NAA35: variants seen among roughly 807,000 people sequenced by gnomAD.
NAA35 encodes MAK10 homolog, amino-acid N-acetyltransferase subunit.
Under a neutral mutation model 101.7 loss-of-function variants are expected in NAA35, and 18 were observed. The ratio of observed to expected loss-of-function variants is 0.18; its 90% CI spans 0.12 to 0.26. The LOEUF is 0.26. Among genes scored for constraint, NAA35 ranks in the 10% least tolerant of loss-of-function variants. The pLI, the probability that NAA35 is intolerant of heterozygous loss-of-function variation, is 1.00. For missense variants in NAA35, 601 were observed against 886.8 expected (o/e 0.68, Z 4.09); for synonymous variants, 267 against 273.1 (o/e 0.98, Z 0.22).
intron 11 of NAA35, among the ~76,000 whole-genome samples, chr9:85,989,637 G>T (rs1487570095): frequency 6.6e-6 from 1 of 152,180 alleles, no homozygotes. Flanking sequence ...GGAGGAGAAA[G>T]ACTGAAATCA....
At chr9:86,003,709 G>A (rs1831512669) in intron 13 of NAA35, 65 bp downstream of exon 13, 1 of 957,024 alleles carries the variant, frequency 1.0e-6, no homozygotes, top group African/African-American at 1.7e-5. Context: ...TTGTTTTATT[G>A]ATTGATTGAA....
chr9:86,016,327 AATT>A (rs1211361820), intron 17 of NAA35, among the ~76,000 whole-genome samples: 2 of 152,324 alleles, frequency 1.3e-5, no homozygotes, highest in East Asian at 3.9e-4. Context: ...GTACATGTAT[AATT>A]ATCAAGAAAT....
At chr9:85,953,064 T>A (rs1829086911) in intron 2 of NAA35, among the ~76,000 whole-genome samples, 1 of 151,920 alleles carries the variant, frequency 6.6e-6, no homozygotes, top group African/African-American at 2.4e-5. Context: ...TACAAAAAAA[T>A]TAGCCGGGCA....
Position 85,996,510 on chromosome 9 carries a change from C to G in NAA35, c.989C>G (p.Ala330Gly). The part of the protein sequence containing the change: ...IKREEMVNYF[A>G]RLIDRIKTVC... The stretch of plus-strand genomic sequence containing the variant: ...AGGGAAGAAATGGTGAACTATTTTG[C>G]AAGATTAATAGATAGAATAAAAACT... The change falls in exon 12 of 23, where the codon GCA becomes GGA. Residue 330 changes from alanine to glycine, a missense_variant. Physicochemically the swap from Ala to Gly is moderately conservative, Grantham distance 60 (BLOSUM62 0). Transcript: ENST00000361671. 1.2e-6 allele frequency: 2 copies of G among 1,605,306 alleles called. No homozygotes were observed. Among genetic ancestry groups the G allele is most frequent in the South Asian group, 1.1e-5 (1 of 88,938 alleles).
intron 11 of NAA35, 54 bp from the exon 12 acceptor site, chr9:85,996,345 G>A (rs1021666073): frequency 2.5e-5 from 31 of 1,257,976 alleles, no homozygotes; most frequent in Admixed American, 2.4e-4. Context: ...AACATTTGCA[G>A]TTTAAAATTC....
chr9:85,992,781 T>G (rs1313728352), intron 11 of NAA35, among the ~76,000 whole-genome samples: 1 of 152,178 alleles, frequency 6.6e-6, no homozygotes, highest in African/African-American at 2.4e-5. Flanking sequence ...TTGTGAAACT[T>G]GAATGAAGTG....
chr9:86,004,878 T>C (rs995309761), intron 13 of NAA35, among the ~76,000 whole-genome samples: 1 of 152,250 alleles, frequency 6.6e-6, no homozygotes, highest in East Asian at 1.9e-4. Flanking sequence ...AATAATCTCT[T>C]ATCTATTAAA....
chr9:85,986,456 G>A (rs747608722), intron 11 of NAA35: 2 of 469,952 alleles, frequency 4.3e-6, no homozygotes, highest in South Asian at 3.1e-5. Flanking sequence ...CATTGTCTCT[G>A]ACTTCCTCCT....
chr9:85,967,345 G>A (rs1389300446), intron 6 of NAA35, among the ~76,000 whole-genome samples: 1 of 152,134 alleles, frequency 6.6e-6, no homozygotes, highest in Non-Finnish European at 1.5e-5. Flanking sequence ...GTAGCCAACT[G>A]TGTAAAAATA....
Position 85,975,501 on chromosome 9 carries a change from A to G in NAA35, c.627+344A>G, listed in dbSNP as rs1416172600. On this transcript the variant is annotated intron_variant, in intron 8 of 22. Coordinates refer to ENST00000361671, the MANE Select transcript of NAA35 (RefSeq NM_024635.4). ...TGTGATATTTGCATATAACCTGTTC[A>G]TGTCCTTCTGTATACTTTAAATCAT... is the stretch of plus-strand genomic sequence containing the variant. 4.6e-5 allele frequency among the ~76,000 whole-genome samples: 7 copies of G among 152,164 alleles called. No homozygotes were observed. In the East Asian group the frequency reaches 7.7e-4, roughly 17 times the overall value.
chr9:85,962,607 A>G (rs535812272), intron 6 of NAA35, among the ~76,000 whole-genome samples: 26 of 152,254 alleles, frequency 1.7e-4, no homozygotes, highest in African/African-American at 5.8e-4. Flanking sequence ...GTGTATATTT[A>G]AAAACAGTTT....
intron 17 of NAA35, among the ~76,000 whole-genome samples, chr9:86,014,687 G>A (rs1832115311): frequency 6.6e-6 from 1 of 152,148 alleles, no homozygotes; most frequent in African/African-American, 2.4e-5. Context: ...CTGTGGGAGG[G>A]AAAGTAATTC....
chr9:85,964,150 A>G (rs1554770812), intron 6 of NAA35, among the ~76,000 whole-genome samples: 1 of 147,536 alleles, frequency 6.8e-6, no homozygotes, highest in Admixed American at 6.7e-5. Context: ...TTTTTTTAGA[A>G]CTTCTTATTG....
rs150073685 is a variant in NAA35, at chr9:85,983,387, T to C, written c.877+5006T>C. 6.6e-5 allele frequency among the ~76,000 whole-genome samples: 10 copies of C among 152,262 alleles called. No homozygotes were observed. The East Asian group carries it at 1.9e-3, about 29-fold the overall frequency. ...GAAAAACAAAAGCAAATTCTAAATA[T>C]GCTAATTTCAGCAATTCCCTTGATA... On this transcript the variant is annotated intron_variant, in intron 11 of 22. Coordinates refer to ENST00000361671, the MANE Select transcript of NAA35 (RefSeq NM_024635.4).
At chr9:85,951,595 C>G (rs1829021575) in intron 2 of NAA35, among the ~76,000 whole-genome samples, 1 of 152,198 alleles carries the variant, frequency 6.6e-6, no homozygotes, top group African/African-American at 2.4e-5. Flanking sequence ...TTGTAACATG[C>G]ACTGCCATTT....
chr9:85,956,360 A>G lies in NAA35; in HGVS notation c.125A>G (p.Glu42Gly). The G allele has an allele frequency of 7.3e-7, 1 of 1,371,762 alleles. No homozygotes were observed. Among genetic ancestry groups the G allele is most frequent in the Non-Finnish European group, 9.9e-7 (1 of 1,007,102 alleles). 85.0% of individuals were successfully genotyped at this position (1,371,762 alleles called of 1,614,324 possible). Residue 42 changes from glutamate to glycine, a missense_variant and splice_region_variant, in exon 3 of 23, where the codon GAA (glutamate) becomes GGA (glycine). Physicochemically the swap from Glu to Gly is moderately conservative, Grantham distance 98 (BLOSUM62 -2). Around this residue, in one of 8 missense-constraint regions of NAA35, gnomAD observed 67 missense variants for 62.4 expected, o/e 1.07. Coordinates refer to ENST00000361671, the MANE Select transcript of NAA35 (RefSeq NM_024635.4). ...AGGGTTTTTCTCTTTTTTTTTTTAG[A>G]ATTAAAGTTGGGAGAACTACTTCAT... ...ITQDFEEACR[E>G]LKLGELLHDK...
chr9:86,012,845 G>GT (rs899931035), intron 15 of NAA35, among the ~76,000 whole-genome samples: 8 of 152,114 alleles, frequency 5.3e-5, no homozygotes, highest in African/African-American at 1.7e-4. Context: ...ACATGAAGCT[G>GT]TTTTTTTCCA....
intron 18 of NAA35, among the ~76,000 whole-genome samples, chr9:86,017,267 G>C (rs1033151258): frequency 6.6e-6 from 1 of 152,188 alleles, no homozygotes; most frequent in African/African-American, 2.4e-5. Flanking sequence ...ATTCAGAAAA[G>C]TTATAATTAC....
At chr9:85,977,997 G>T (rs1587607299) in intron 10 of NAA35, among the ~76,000 whole-genome samples, 1 of 147,370 alleles carries the variant, frequency 6.8e-6, no homozygotes, top group Non-Finnish European at 1.5e-5. Flanking sequence ...TCATTTTCTA[G>T]TTGATTGCTT....
Sources: gnomAD v4.1 joint callset for allele counts (sites outside exome capture counted in the v4.1 genomes callset) on GRCh38, gnomAD v4.1.1 for gene constraint, gnomAD v4.1.1 regional missense constraint, MANE v1.5 for transcripts, NCBI Gene and HGNC (gene_info 2026-07-23, HGNC 2026-07-21) for gene names.